The following CTNNA3 variants were observed in gnomAD, a reference collection of about 807,000 sequenced individuals.
CTNNA3 encodes the protein catenin alpha-3.
Under a neutral mutation model 95.7 loss-of-function variants are expected in CTNNA3, and 76 were observed. That is an observed-to-expected ratio of 0.79 (90% CI 0.66 to 0.96). CTNNA3 has a LOEUF of 0.96. Among genes scored for constraint, CTNNA3 ranks in the 40% least tolerant of loss-of-function variants. The pLI, the probability that CTNNA3 is intolerant of heterozygous loss-of-function variation, is 0.00. For synonymous variants in CTNNA3, 431 were observed against 374.4 expected (o/e 1.15, Z -1.74); for missense variants, 1,191 against 1,089.8 (o/e 1.09, Z -1.31).
chr10:67,337,232 A>T (rs1011344584), intron 5 of CTNNA3, among the ~76,000 whole-genome samples: 1 of 152,172 alleles, frequency 6.6e-6, no homozygotes, highest in African/African-American at 2.4e-5. Context: ...AGGAGTTTGG[A>T]AGAAGTCAAT....
At chr10:66,263,904 C>A (rs949937856) in intron 13 of CTNNA3, among the ~76,000 whole-genome samples, 2 of 151,848 alleles carry the variant, frequency 1.3e-5, no homozygotes, top group African/African-American at 4.8e-5. Context: ...TTTAAATACA[C>A]TTGCCTTAGT....
At chr10:67,396,559 A>T (rs528726707) in intron 5 of CTNNA3, among the ~76,000 whole-genome samples, 3 of 152,346 alleles carry the variant, frequency 2.0e-5, no homozygotes, top group Non-Finnish European at 2.9e-5. Flanking sequence ...ATTTAACAGG[A>T]ATGTCTACTG....
chr10:66,213,327 T>G (rs1016345807), intron 13 of CTNNA3, among the ~76,000 whole-genome samples: 1 of 152,166 alleles, frequency 6.6e-6, no homozygotes, highest in African/African-American at 2.4e-5. Flanking sequence ...GTGTTCCAAA[T>G]TTCTTTATTT....
At chr10:66,797,318 T>C (rs560678540) in intron 7 of CTNNA3, among the ~76,000 whole-genome samples, 1 of 151,148 alleles carries the variant, frequency 6.6e-6, no homozygotes, top group African/African-American at 2.4e-5. Context: ...GTACTTAAAC[T>C]ATGGTTCCCA....
chr10:66,527,143 A>G (rs561595451), intron 10 of CTNNA3, among the ~76,000 whole-genome samples: 1 of 152,146 alleles, frequency 6.6e-6, no homozygotes, highest in Non-Finnish European at 1.5e-5. Flanking sequence ...GTTGCCATGT[A>G]CTTGTTTTCC....
intron 1 of CTNNA3, chr10:67,750,785 A>G: frequency 6.2e-7 from 1 of 1,607,058 alleles, no homozygotes; most frequent in Admixed American, 1.7e-5. Context: ...TTCCAGATAG[A>G]GAGGCTCTTG....
At chr10:66,238,430 C>T (rs2089961432) in intron 13 of CTNNA3, among the ~76,000 whole-genome samples, 1 of 151,904 alleles carries the variant, frequency 6.6e-6, no homozygotes, top group Non-Finnish European at 1.5e-5. Flanking sequence ...TTGAAATTAT[C>T]AGGTTGTCAC....
At chr10:66,476,938 T>A (rs1839348081) in intron 11 of CTNNA3, among the ~76,000 whole-genome samples, 1 of 152,092 alleles carries the variant, frequency 6.6e-6, no homozygotes, top group Non-Finnish European at 1.5e-5. Flanking sequence ...ACATTCCTTG[T>A]CACTGACTAT....
chr10:66,886,097 G>A (rs1845031821), intron 7 of CTNNA3, among the ~76,000 whole-genome samples: 1 of 152,082 alleles, frequency 6.6e-6, no homozygotes, highest in Non-Finnish European at 1.5e-5. Context: ...AAGGAGAGAA[G>A]AGAAAGGGAT....
chr10:66,460,486 T>C lies in CTNNA3; in HGVS notation c.1531+60131A>G. 1.3e-5 allele frequency among the ~76,000 whole-genome samples: 2 copies of C among 152,148 alleles called. 1 individual carries two copies. Among genetic ancestry groups the C allele is most frequent in the Non-Finnish European group, 2.9e-5 (2 of 68,032 alleles). The stretch of plus-strand genomic sequence containing the variant: ...TTGGTTTAGACTTCTTGGCTATGGG[T>C]AATCTAAAGCCAGGGAACCATGCTT... On this transcript the variant is annotated intron_variant, in intron 11 of 17. Coordinates refer to ENST00000433211, the MANE Select transcript of CTNNA3 (RefSeq NM_013266.4).
At chr10:66,981,218 T>C (rs960562027) in intron 7 of CTNNA3, among the ~76,000 whole-genome samples, 28 of 152,318 alleles carry the variant, frequency 1.8e-4, no homozygotes, top group African/African-American at 6.7e-4. Context: ...CCAGTTTTTC[T>C]AGTAGTTTAT....
chr10:66,794,560 T>C (rs1037106448), intron 7 of CTNNA3, among the ~76,000 whole-genome samples: 2 of 152,164 alleles, frequency 1.3e-5, no homozygotes, highest in East Asian at 1.9e-4. Context: ...AAACCTTTTT[T>C]GCTGATGGAG....
rs1305161853 is a variant in CTNNA3, at chr10:67,027,440, T to TTTC, written c.1047+152876_1047+152877insGAA. Among the ~76,000 whole-genome samples the TTTC allele has an allele frequency of 3.3e-5, 5 of 150,560 alleles. No homozygotes were observed. The South Asian group carries it at 6.4e-4, about 19-fold the overall frequency. ...TGCCTTTTTTTTCTTTCATGACTTT[T>TTTC]TTTTTTTTTTTTGATACACAGTCTC... On this transcript the variant is annotated intron_variant, in intron 7 of 17. Coordinates refer to ENST00000433211, the MANE Select transcript of CTNNA3 (RefSeq NM_013266.4).
chr10:66,464,461 T>C (rs1269353175), intron 11 of CTNNA3, among the ~76,000 whole-genome samples: 1 of 152,048 alleles, frequency 6.6e-6, no homozygotes, highest in Admixed American at 6.6e-5. Context: ...TCAAAAATTT[T>C]CTGTCAAACA....
chr10:67,364,561 A>C (rs1322039766), intron 5 of CTNNA3, among the ~76,000 whole-genome samples: 3 of 152,194 alleles, frequency 2.0e-5, no homozygotes, highest in Non-Finnish European at 4.4e-5. Context: ...CAAAAATCAC[A>C]AGCATTCCTA....
intron 11 of CTNNA3, among the ~76,000 whole-genome samples, chr10:66,478,573 A>G (rs1409609442): frequency 6.6e-6 from 1 of 151,986 alleles, no homozygotes; most frequent in East Asian, 1.9e-4. Context: ...ATGAAAAAAT[A>G]TAGCTAATTT....
intron 7 of CTNNA3, among the ~76,000 whole-genome samples, chr10:67,122,812 G>A (rs1859533543): frequency 6.6e-6 from 1 of 152,054 alleles, no homozygotes; most frequent in South Asian, 2.1e-4. Context: ...TGAGTTACAG[G>A]AGCATCGGTC....
chr10:66,526,138 T>G (rs1352290092), intron 10 of CTNNA3, among the ~76,000 whole-genome samples: 1 of 152,146 alleles, frequency 6.6e-6, no homozygotes, highest in Non-Finnish European at 1.5e-5. Flanking sequence ...TGCTCAAGTC[T>G]TGGCTTGCAA....
At chr10:66,702,554 A>G (rs1441258424) in intron 9 of CTNNA3, among the ~76,000 whole-genome samples, 1 of 151,892 alleles carries the variant, frequency 6.6e-6, no homozygotes, top group East Asian at 1.9e-4. Flanking sequence ...AAAATACAAA[A>G]AATTAGCCGG....
Sources: gnomAD v4.1 joint callset for allele counts (sites outside exome capture counted in the v4.1 genomes callset) on GRCh38, gnomAD v4.1.1 for gene constraint, MANE v1.5 for transcripts, NCBI Gene and HGNC (gene_info 2026-07-23, HGNC 2026-07-21) for gene names.